CSMD1: variants seen among roughly 807,000 people sequenced by gnomAD.
The protein encoded by CSMD1 is CUB and Sushi multiple domains 1, also known as CUB and sushi domain-containing protein 1.
In CSMD1, 213 loss-of-function variants were observed where a neutral mutation model predicts 417.5. The observed-to-expected ratio is 0.51, with a 90% CI of 0.46 to 0.57. CSMD1 has a LOEUF of 0.57. Ranked by LOEUF, CSMD1 falls within the 20% of genes least tolerant of loss-of-function variation. CSMD1 has a pLI of 0.00. For synonymous variants in CSMD1, 2,862 were observed against 1,736.8 expected (o/e 1.65, Z -16.11); for missense variants, 6,923 against 4,529.7 (o/e 1.53, Z -15.17).
chr8:4,402,527 A>G (rs980528597), intron 3 of CSMD1, among the ~76,000 whole-genome samples: 5 of 152,164 alleles, frequency 3.3e-5, no homozygotes, highest in Non-Finnish European at 2.9e-5. Context: ...CCCCAAAATT[A>G]TGCTCAATTC....
At chr8:3,290,168 T>C (rs1393133862) in intron 25 of CSMD1, among the ~76,000 whole-genome samples, 1 of 146,982 alleles carries the variant, frequency 6.8e-6, no homozygotes, top group Non-Finnish European at 1.5e-5. Context: ...AGGGCTCTGT[T>C]CTGTTCCATT....
chr8:4,000,947 A>T (rs188902006), intron 4 of CSMD1, among the ~76,000 whole-genome samples: 63 of 152,208 alleles, frequency 4.1e-4, no homozygotes, highest in Admixed American at 3.9e-3. Flanking sequence ...TGAAAGATTA[A>T]TGACATATTA....
At chr8:4,377,872 G>T (rs974237675) in intron 3 of CSMD1, among the ~76,000 whole-genome samples, 1 of 152,150 alleles carries the variant, frequency 6.6e-6, no homozygotes, top group Non-Finnish European at 1.5e-5. Context: ...GATTACTGCC[G>T]AAATGAATTG....
intron 6 of CSMD1, among the ~76,000 whole-genome samples, chr8:3,744,438 G>A (rs1024748433): frequency 6.6e-6 from 1 of 152,046 alleles, no homozygotes; most frequent in East Asian, 1.9e-4. Flanking sequence ...ATTTTAACCA[G>A]GAAAAAAGTC....
At chr8:4,340,615 C>T (rs576684456) in intron 3 of CSMD1, among the ~76,000 whole-genome samples, 22 of 152,194 alleles carry the variant, frequency 1.4e-4, no homozygotes, top group Admixed American at 6.5e-4. Context: ...TGCTTGGCTG[C>T]GCCTCCTCTG....
rs536212689 is a variant in CSMD1 at position 3,741,148 on chromosome 8, A to C, written c.931+12782T>G. ...AGAATCACTTGAAGCTGGGAGGTGG[A>C]GGTTGCAGTGAGCTGAGATCGTGCT... On this transcript the variant is annotated intron_variant, in intron 6 of 69. Transcript: ENST00000635120. Among the ~76,000 whole-genome samples, 11 of 136,992 alleles carry C rather than the reference A, an allele frequency of 8.0e-5. No individual in the cohort carries two copies. The East Asian group carries it at 2.6e-3, about 33-fold the overall frequency. 89.9% of individuals were successfully genotyped at this position (136,992 alleles called of 152,430 possible).
At chr8:4,611,508 T>C (rs930282514) in intron 2 of CSMD1, among the ~76,000 whole-genome samples, 2 of 152,174 alleles carry the variant, frequency 1.3e-5, no homozygotes, top group South Asian at 4.1e-4. Flanking sequence ...AACTTGTGGA[T>C]AAAACTATCG....
At chr8:3,387,402 C>G in intron 18 of CSMD1, 92 bp downstream of exon 18, 1 of 1,052,162 alleles carries the variant, frequency 9.5e-7, no homozygotes, top group Non-Finnish European at 1.4e-6. Context: ...TAAGGTACCA[C>G]CCCCTGAAAT....
intron 52 of CSMD1, among the ~76,000 whole-genome samples, chr8:3,002,678 A>G (rs1193049057): frequency 6.6e-6 from 1 of 152,162 alleles, no homozygotes; most frequent in Non-Finnish European, 1.5e-5. Flanking sequence ...TTCTGAACTG[A>G]GTTTTTTGTA....
intron 5 of CSMD1, among the ~76,000 whole-genome samples, chr8:3,909,789 T>C (rs903032435): frequency 2.0e-5 from 3 of 152,110 alleles, no homozygotes; most frequent in African/African-American, 7.2e-5. Context: ...TTGAAAAGTG[T>C]TTAATAATTC....
In CSMD1 at chr8:3,476,132, C is replaced by T. The variant is rs532911916; in HGVS notation, c.1449-7308G>A. 3.9e-5 allele frequency among the ~76,000 whole-genome samples: 6 copies of T among 152,250 alleles called. No individual in the cohort carries two copies. In the South Asian group the frequency reaches 1.2e-3, roughly 32 times the overall value. On this transcript the variant is annotated intron_variant, in intron 11 of 69. Transcript: ENST00000635120. The stretch of plus-strand genomic sequence containing the variant: ...CTGAGGTGGGAAGACTATTTGAGTC[C>T]AGGAGTTCAAGACTAGCCTGCGCAA...
At chr8:3,117,515 G>C (rs546627094) in intron 42 of CSMD1, among the ~76,000 whole-genome samples, 1 of 152,254 alleles carries the variant, frequency 6.6e-6, no homozygotes, top group East Asian at 1.9e-4. Context: ...CACGGAGTTG[G>C]TAATTTCATT....
intron 1 of CSMD1, among the ~76,000 whole-genome samples, chr8:4,962,468 T>C (rs1278151099): frequency 6.6e-6 from 1 of 152,148 alleles, no homozygotes; most frequent in East Asian, 1.9e-4. Flanking sequence ...ACCTAGGCCA[T>C]CTAAAGCTCT....
At chr8:3,189,827 A>G (rs1374233767) in intron 34 of CSMD1, 85 bp downstream of exon 34, 3 of 1,275,388 alleles carry the variant, frequency 2.4e-6, no homozygotes, top group Non-Finnish European at 3.3e-6. Flanking sequence ...AGATGGATTT[A>G]CGTAGCCTGG....
At chr8:3,261,797 CA>C (rs1801078985) in intron 26 of CSMD1, among the ~76,000 whole-genome samples, 1 of 152,032 alleles carries the variant, frequency 6.6e-6, no homozygotes, top group African/African-American at 2.4e-5. Context: ...GTGAAATGAT[CA>C]AAAGTCTGGA....
At position 3,702,773 on chromosome 8, in the gene CSMD1, A is replaced by C. The variant is rs183693540; in HGVS notation, c.1009+5641T>G. Among the ~76,000 whole-genome samples the C allele has an allele frequency of 3.0e-4, 46 of 152,328 alleles. No individual in the cohort carries two copies. In the East Asian group the frequency reaches 8.7e-3, roughly 29 times the overall value. On this transcript the variant is annotated intron_variant, in intron 7 of 69. Transcript: ENST00000635120. Reference sequence around the variant, plus strand: ...CTGGAACCTGGGAGGTGCAGGTTGCAGTTAGCTGAGATCGCACCACACTCC... The same window carrying C: ...CTGGAACCTGGGAGGTGCAGGTTGCCGTTAGCTGAGATCGCACCACACTCC...
chr8:4,732,049 C>A (rs758110346), intron 1 of CSMD1, among the ~76,000 whole-genome samples: 1 of 152,042 alleles, frequency 6.6e-6, no homozygotes, highest in African/African-American at 2.4e-5. Context: ...CCCCCATGCC[C>A]GTAGCTTTAC....
At chr8:4,336,221 C>G (rs1378392059) in intron 3 of CSMD1, among the ~76,000 whole-genome samples, 4 of 152,138 alleles carry the variant, frequency 2.6e-5, no homozygotes, top group East Asian at 3.9e-4. Context: ...TATGAATGCA[C>G]CTGTAGGTTC....
chr8:3,376,478 A>G (rs756135250), intron 18 of CSMD1, among the ~76,000 whole-genome samples: 15 of 152,174 alleles, frequency 9.9e-5, no homozygotes, highest in Admixed American at 9.8e-4. Flanking sequence ...AAAATTTACA[A>G]TGTTAAATAT....
Sources: gnomAD v4.1 joint callset for allele counts (sites outside exome capture counted in the v4.1 genomes callset) on GRCh38, gnomAD v4.1.1 for gene constraint, MANE v1.5 for transcripts, NCBI Gene and HGNC (gene_info 2026-07-23, HGNC 2026-07-21) for gene names.